The following SOX6 variants were observed in gnomAD, a reference collection of about 807,000 sequenced individuals.
SOX6 encodes the protein transcription factor SOX-6.
In SOX6, 11 loss-of-function variants were observed where a neutral mutation model predicts 97.8. That is an observed-to-expected ratio of 0.11 (90% confidence interval 0.07 to 0.19). The LOEUF is 0.19. Among genes scored for constraint, SOX6 ranks in the 10% least tolerant of loss-of-function variants. The pLI is 1.00. For missense variants in SOX6, 810 were observed against 1,039.5 expected (o/e 0.78, Z 3.04); for synonymous variants, 360 against 371.4 (o/e 0.97, Z 0.35).
intron 3 of SOX6, among the ~76,000 whole-genome samples, chr11:16,695,945 T>G (rs1190282058): frequency 6.6e-6 from 1 of 152,168 alleles, no homozygotes; most frequent in Non-Finnish European, 1.5e-5. Flanking sequence ...AAGCAGACGT[T>G]GCAGTGAGTG....
chr11:16,479,449 G>C (rs1383969291), upstream of SOX6, among the ~76,000 whole-genome samples: 5 of 151,480 alleles, frequency 3.3e-5, no homozygotes, highest in Admixed American at 2.0e-4. Context: ...AGAATCACTT[G>C]AACCTGGGAG....
intron 4 of SOX6, among the ~76,000 whole-genome samples, chr11:16,602,327 T>C (rs1403554169): frequency 6.6e-6 from 1 of 152,194 alleles, no homozygotes; most frequent in Non-Finnish European, 1.5e-5. Context: ...GCCTATGGAA[T>C]TAATGCCCTG....
intron 1 of SOX6, among the ~76,000 whole-genome samples, chr11:16,737,221 T>C (rs550718869): frequency 1.3e-5 from 2 of 152,298 alleles, no homozygotes; most frequent in South Asian, 4.1e-4. Context: ...TATTTATTTA[T>C]TTAGAGACCG....
At chr11:16,617,078 A>C (rs1373990638) in intron 3 of SOX6, among the ~76,000 whole-genome samples, 1 of 151,886 alleles carries the variant, frequency 6.6e-6, no homozygotes, top group Non-Finnish European at 1.5e-5. Context: ...AAACAAACAA[A>C]TGAAAGCTAA....
At position 16,114,512 on chromosome 11, in the gene SOX6, T is replaced by C. The variant is rs538659062; in HGVS notation, c.778-2589A>G. On this transcript the variant is annotated intron_variant, in intron 6 of 15. Coordinates refer to ENST00000683767, the MANE Select transcript of SOX6 (RefSeq NM_001367873.1). ...TTGTTAGATCCGTGTTCCTTTCTTA[T>C]ATGGTTTGCATATTCAGGACTAGAA... 2.0e-5 allele frequency among the ~76,000 whole-genome samples: 3 copies of C among 152,346 alleles called. No individual in the cohort carries two copies. In the South Asian group the frequency reaches 6.2e-4, roughly 32 times the overall value.
intron 4 of SOX6, among the ~76,000 whole-genome samples, chr11:16,230,592 T>G (rs988466845): frequency 6.6e-6 from 1 of 151,786 alleles, no homozygotes; most frequent in Non-Finnish European, 1.5e-5. Flanking sequence ...ACTGAATAAA[T>G]GACTTTGAAT....
At chr11:16,438,755 C>T (rs1859439867) in intron 1 of SOX6, among the ~76,000 whole-genome samples, 2 of 151,996 alleles carry the variant, frequency 1.3e-5, no homozygotes, top group South Asian at 4.1e-4. Flanking sequence ...GATTTCCCTT[C>T]CTTCCCTAGG....
intron 4 of SOX6, among the ~76,000 whole-genome samples, chr11:16,535,499 C>T (rs916226543): frequency 6.6e-6 from 1 of 152,040 alleles, no homozygotes; most frequent in African/African-American, 2.4e-5. Context: ...TGGCAAAACC[C>T]CGTCTCTACA....
chr11:16,681,094 C>CTGGACCAAGCAGA (rs1366059511), intron 3 of SOX6, among the ~76,000 whole-genome samples: 3 of 152,210 alleles, frequency 2.0e-5, no homozygotes, highest in African/African-American at 7.2e-5. Flanking sequence ...GAACTCAGCT[C>CTGGACCAAGCAGA]TGGACCAAGC....
chr11:16,534,664 A>T (rs1443174578), intron 4 of SOX6, among the ~76,000 whole-genome samples: 1 of 152,170 alleles, frequency 6.6e-6, no homozygotes, highest in Non-Finnish European at 1.5e-5. Context: ...AGTTTCTATA[A>T]GAAAATATTC....
rs577367707 is a variant in SOX6, at chr11:15,987,164, T to C, written c.1967-744A>G. 1.8e-4 allele frequency among the ~76,000 whole-genome samples: 27 copies of C among 152,334 alleles called. 1 individual carries two copies. In the South Asian group the frequency reaches 3.7e-3, roughly 21 times the overall value. ...CTTGATGAAGAGGGGATGTGTTTTT[T>C]TACATGTATCAAATTGCATTTTTGT... On this transcript the variant is annotated intron_variant, in intron 14 of 15. Coordinates refer to ENST00000683767, the MANE Select transcript of SOX6 (RefSeq NM_001367873.1).
chr11:16,480,303 TA>T (rs1488993398), upstream of SOX6, among the ~76,000 whole-genome samples: 2 of 152,164 alleles, frequency 1.3e-5, no homozygotes, highest in African/African-American at 4.8e-5. Context: ...AAGATATTTC[TA>T]AAATTCAGTA....
At chr11:16,288,298 G>T (rs1854810790) in intron 3 of SOX6, among the ~76,000 whole-genome samples, 1 of 151,804 alleles carries the variant, frequency 6.6e-6, no homozygotes, top group Non-Finnish European at 1.5e-5. Context: ...TCCTACTCTG[G>T]ATCAGCCACC....
At chr11:16,064,949 T>G (rs918420441) in intron 9 of SOX6, among the ~76,000 whole-genome samples, 3 of 151,868 alleles carry the variant, frequency 2.0e-5, no homozygotes, top group African/African-American at 7.2e-5. Flanking sequence ...TCCTCTAAGA[T>G]CTGGAACATG....
chr11:16,013,132 G>C (rs190806890), intron 13 of SOX6, among the ~76,000 whole-genome samples: 80 of 152,132 alleles, frequency 5.3e-4, no homozygotes, highest in African/African-American at 1.8e-3. Flanking sequence ...CAAATATGCA[G>C]TTAAGGAAGC....
intron 4 of SOX6, among the ~76,000 whole-genome samples, chr11:16,555,913 C>T (rs576774024): frequency 6.6e-6 from 1 of 151,734 alleles, no homozygotes; most frequent in African/African-American, 2.4e-5. Context: ...TATTTCTCCT[C>T]AAGATTCTGA....
chr11:16,392,149 G>A (rs1281239981), intron 1 of SOX6, among the ~76,000 whole-genome samples: 7 of 152,184 alleles, frequency 4.6e-5, no homozygotes, highest in African/African-American at 4.8e-5. Context: ...AAATAAAGCC[G>A]CATGTTTCTA....
intron 1 of SOX6, among the ~76,000 whole-genome samples, chr11:16,381,198 A>G (rs547866588): frequency 6.6e-6 from 1 of 152,130 alleles, no homozygotes; most frequent in South Asian, 2.1e-4. Context: ...AAATGAGAAG[A>G]GAGAAAAGAG....
At chr11:16,312,045 CCTT>C (rs1335374366) in intron 3 of SOX6, 1 of 152,130 alleles carries the variant, frequency 6.6e-6, no homozygotes, top group Non-Finnish European at 1.5e-5. Context: ...TGCTGCTGTC[CCTT>C]CTTACATGCA....
Sources: allele counts gnomAD v4.1 joint callset (sites outside exome capture counted in the v4.1 genomes callset), GRCh38; gene constraint gnomAD v4.1.1; transcripts MANE v1.5; gene names NCBI Gene and HGNC (gene_info 2026-07-23, HGNC 2026-07-21).